The following DLGAP2 variants were observed in gnomAD, a reference collection of about 807,000 sequenced individuals.
DLGAP2 encodes disks large-associated protein 2.
A neutral mutation model predicts 100.3 loss-of-function variants in DLGAP2; 26 were observed. The observed-to-expected ratio is 0.26, with a 90% CI of 0.19 to 0.36. The LOEUF (loss-of-function observed/expected upper bound fraction) is 0.36. DLGAP2 is among the 10% of genes least tolerant of loss of function. The pLI is 1.00. For synonymous variants in DLGAP2, 886 were observed against 630.1 expected, an observed-to-expected ratio of 1.41 and a Z score of -6.08; for missense variants, 1,858 against 1,453.2, an observed-to-expected ratio of 1.28 and a Z score of -4.53.
chr8:1,296,631 G>T (rs1037638749), intron 3 of DLGAP2, among the ~76,000 whole-genome samples: 1 of 152,220 alleles, frequency 6.6e-6, no homozygotes, highest in African/African-American at 2.4e-5. Context: ...TCTGTGCAAA[G>T]TCTTACTGGA....
At chr8:1,299,735 G>A (rs544925415) in intron 3 of DLGAP2, among the ~76,000 whole-genome samples, 1 of 152,160 alleles carries the variant, frequency 6.6e-6, no homozygotes, top group East Asian at 1.9e-4. Context: ...AAATGATATC[G>A]TAATTATTAT....
At chr8:1,063,690 A>G (rs968187932) in intron 2 of DLGAP2, among the ~76,000 whole-genome samples, 3 of 152,118 alleles carry the variant, frequency 2.0e-5, no homozygotes, top group Non-Finnish European at 4.4e-5. Context: ...AATGACCAAA[A>G]TATCTTACAT....
At chr8:1,595,530 G>A (rs1025114094) in intron 6 of DLGAP2, among the ~76,000 whole-genome samples, 6 of 151,292 alleles carry the variant, frequency 4.0e-5, no homozygotes, top group African/African-American at 9.7e-5. Flanking sequence ...AGCCGGGCAC[G>A]GTGGCGGGCG....
At chr8:867,469 C>T (rs1241288930) in intron 1 of DLGAP2, among the ~76,000 whole-genome samples, 1 of 152,228 alleles carries the variant, frequency 6.6e-6, no homozygotes, top group Non-Finnish European at 1.5e-5. Flanking sequence ...ATGTTACCTT[C>T]TTTCGATACC....
At chr8:1,466,208 A>C (rs1215488173) in intron 3 of DLGAP2, among the ~76,000 whole-genome samples, 1 of 152,194 alleles carries the variant, frequency 6.6e-6, no homozygotes, top group Non-Finnish European at 1.5e-5. Flanking sequence ...AGTAAAATAA[A>C]ATATTAGACT....
chr8:1,313,459 T>TC (rs1247541824), intron 3 of DLGAP2, among the ~76,000 whole-genome samples: 2 of 151,364 alleles, frequency 1.3e-5, no homozygotes, highest in Non-Finnish European at 2.9e-5. Context: ...TCCCCTATAC[T>TC]CCCCCCCTTA....
At chr8:1,273,377 C>T (rs1362085370) in intron 3 of DLGAP2, among the ~76,000 whole-genome samples, 1 of 152,210 alleles carries the variant, frequency 6.6e-6, no homozygotes, top group Non-Finnish European at 1.5e-5. Context: ...GCACAGCTCA[C>T]ATCCCTAAAT....
intron 2 of DLGAP2, among the ~76,000 whole-genome samples, chr8:1,210,117 T>C (rs190386541): frequency 3.3e-5 from 5 of 152,140 alleles, no homozygotes; most frequent in East Asian, 1.9e-4. Context: ...TGGGCCTTGA[T>C]TGGTGTTTAG....
chr8:762,750 C>T (rs1435471482), intron 1 of DLGAP2, among the ~76,000 whole-genome samples: 1 of 152,044 alleles, frequency 6.6e-6, no homozygotes, highest in Non-Finnish European at 1.5e-5. Flanking sequence ...ACAATCACAG[C>T]TCACTGCAGC....
At chr8:895,790 A>G (rs990062053) in intron 1 of DLGAP2, among the ~76,000 whole-genome samples, 53 of 151,288 alleles carry the variant, frequency 3.5e-4, no homozygotes, top group African/African-American at 1.2e-3. Flanking sequence ...GTCAATCCCC[A>G]GGGTTTGTTG....
chr8:1,000,766 G>A (rs188391784), intron 2 of DLGAP2, among the ~76,000 whole-genome samples: 41 of 152,260 alleles, frequency 2.7e-4, no homozygotes, highest in South Asian at 1.0e-3. Context: ...TTGGGGGTGA[G>A]GAGGGTGACG....
At position 749,860 on chromosome 8, in the gene DLGAP2, G is replaced by A. The variant is rs138997622; in HGVS notation, c.18+12035G>A. Among the ~76,000 whole-genome samples, 670 of 152,258 alleles carry A rather than the reference G, an allele frequency of 4.4e-3. 4 individuals are homozygous for A. The highest frequency in any genetic ancestry group is 0.015 in the African/African-American group (609 of 41,560). On this transcript the variant is annotated intron_variant, in intron 1 of 14. Transcript: ENST00000637795. ...TGCTCCCTCCAGAGGTGTGGGGAGG[G>A]TCCCCTCCTCTCCTGGCTTCTGATG...
chr8:1,278,307 T>G (rs2116943748), intron 3 of DLGAP2, among the ~76,000 whole-genome samples: 1 of 152,342 alleles, frequency 6.6e-6, no homozygotes, highest in South Asian at 2.1e-4. Context: ...AAGAACAGAA[T>G]TAGACAGCAT....
intron 2 of DLGAP2, among the ~76,000 whole-genome samples, chr8:1,256,526 TCTCA>T (rs1448673187): frequency 0.011 from 1,457 of 132,844 alleles, 22 homozygotes; most frequent in African/African-American, 0.034. Context: ...TGTGTGCCCG[TCTCA>T]TCCTGCCCAG....
intron 2 of DLGAP2, among the ~76,000 whole-genome samples, chr8:1,228,875 A>G (rs1798476686): frequency 6.6e-6 from 1 of 152,220 alleles, no homozygotes. Flanking sequence ...GAGCAAGACA[A>G]AGATCTTGGC....
At chr8:805,219 G>A (rs1030330511) in intron 1 of DLGAP2, among the ~76,000 whole-genome samples, 4 of 152,276 alleles carry the variant, frequency 2.6e-5, no homozygotes, top group African/African-American at 9.6e-5. Context: ...ATGAAGCTCT[G>A]TCAGTGGTGA....
intron 2 of DLGAP2, among the ~76,000 whole-genome samples, chr8:1,088,790 TCCCCCCACCCCA>T: frequency 1.4e-5 from 1 of 69,876 alleles, no homozygotes; most frequent in African/African-American, 6.2e-5. Context: ...CAATTCTCAC[TCCCCCCACCCCA>T]CTCTCTCCAC....
intron 6 of DLGAP2, among the ~76,000 whole-genome samples, chr8:1,614,066 G>A (rs1304071902): frequency 6.6e-6 from 1 of 152,202 alleles, no homozygotes; most frequent in Non-Finnish European, 1.5e-5. Flanking sequence ...GAAGAGCCAG[G>A]TGGGGGAGGC....
At chr8:927,555 C>T (rs1033580139) in intron 2 of DLGAP2, among the ~76,000 whole-genome samples, 6 of 152,088 alleles carry the variant, frequency 3.9e-5, no homozygotes, top group Admixed American at 3.3e-4. Flanking sequence ...TTAACGCCTC[C>T]GAGCCTCAGT....
Sources: allele counts gnomAD v4.1 joint callset (sites outside exome capture counted in the v4.1 genomes callset), GRCh38; gene constraint gnomAD v4.1.1; transcripts MANE v1.5; gene names NCBI Gene and HGNC (gene_info 2026-07-23, HGNC 2026-07-21).